The following STX12 variants were observed in gnomAD, a reference collection of about 807,000 sequenced individuals.
The protein encoded by STX12 is syntaxin 12.
A neutral mutation model predicts 42.2 loss-of-function variants in STX12; 17 were observed. That is an observed-to-expected ratio of 0.40 (90% confidence interval 0.28 to 0.60). STX12 has a LOEUF of 0.60. Ranked by LOEUF, STX12 falls within the 20% of genes least tolerant of loss-of-function variation. STX12 has a pLI of 0.39. For synonymous variants in STX12, 108 were observed against 116.7 expected (o/e 0.93, Z 0.48); for missense variants, 297 against 330.9 (o/e 0.90, Z 0.79).
chr1:27,781,961 T>C (rs914605076), intron 1 of STX12, among the ~76,000 whole-genome samples: 1 of 152,168 alleles, frequency 6.6e-6, no homozygotes, highest in South Asian at 2.1e-4. Flanking sequence ...CATTTCATCC[T>C]CACAACAACC....
At chr1:27,794,798 T>A (rs925142687) in intron 3 of STX12, among the ~76,000 whole-genome samples, 12 of 152,116 alleles carry the variant, frequency 7.9e-5, no homozygotes, top group African/African-American at 2.9e-4. Context: ...CATAGCTCAC[T>A]GCAACCTTGA....
At chr1:27,806,066 A>T (rs1307738921) in intron 4 of STX12, among the ~76,000 whole-genome samples, 1 of 152,162 alleles carries the variant, frequency 6.6e-6, no homozygotes, top group Non-Finnish European at 1.5e-5. Flanking sequence ...CCAAATGTCG[A>T]TACATTTCAT....
chr1:27,820,014 G>A (rs1370976523), intron 8 of STX12: 4 of 250,024 alleles, frequency 1.6e-5, no homozygotes, highest in Non-Finnish European at 3.2e-5. Flanking sequence ...TTTATATCCC[G>A]AACAGCTGAA....
intron 2 of STX12, among the ~76,000 whole-genome samples, chr1:27,790,759 TGATGAA>T (rs2088734655): frequency 1.3e-5 from 2 of 151,384 alleles, no homozygotes; most frequent in African/African-American, 4.9e-5. Flanking sequence ...CTGGCCAACA[TGATGAA>T]ACCCTGTCTC....
intron 1 of STX12, among the ~76,000 whole-genome samples, chr1:27,786,448 A>G (rs2088699611): frequency 6.6e-6 from 1 of 152,128 alleles, no homozygotes; most frequent in Admixed American, 6.5e-5. Flanking sequence ...TCTTAACTGA[A>G]TTTATTTCTT....
intron 2 of STX12, among the ~76,000 whole-genome samples, chr1:27,790,092 G>A (rs2088728958): frequency 6.6e-6 from 1 of 152,162 alleles, no homozygotes; most frequent in Admixed American, 6.5e-5. Flanking sequence ...GGTCTCTACT[G>A]AAGATGTACA....
intron 6 of STX12, among the ~76,000 whole-genome samples, chr1:27,816,278 C>T (rs920244776): frequency 2.6e-5 from 4 of 151,744 alleles, no homozygotes; most frequent in African/African-American, 7.3e-5. Flanking sequence ...TGCACCATTG[C>T]ACTCCAGCCT....
At chr1:27,777,297 G>T (rs1166918472) in intron 1 of STX12, among the ~76,000 whole-genome samples, 1 of 147,436 alleles carries the variant, frequency 6.8e-6, no homozygotes, top group Non-Finnish European at 1.5e-5. Flanking sequence ...CAAGAGCTGT[G>T]TGAGTAGCTG....
At chr1:27,775,204 G>A (rs565819429) in intron 1 of STX12, among the ~76,000 whole-genome samples, 1 of 152,208 alleles carries the variant, frequency 6.6e-6, no homozygotes, top group African/African-American at 2.4e-5. Flanking sequence ...CCATCTTCGT[G>A]TGTATTTTAT....
Position 27,822,217 on chromosome 1 carries a change from A to G in STX12, c.733-14A>G. 1 of 1,532,358 alleles carries G rather than the reference A, an allele frequency of 6.5e-7. No individual in the cohort carries two copies. The highest frequency in any genetic ancestry group is 2.2e-5 in the East Asian group (1 of 44,484). 94.9% of individuals were successfully genotyped at this position (1,532,358 alleles called of 1,614,324 possible). On this transcript the variant is annotated splice_polypyrimidine_tract_variant and intron_variant, in intron 8 of 8. Coordinates refer to ENST00000373943, the MANE Select transcript of STX12 (RefSeq NM_177424.3). Reference sequence around the variant, plus strand: ...TGTTTCATGAGTATCTTGTTTACATATTTCTTTCCTCAGAAAAAATCTCGC... The same window carrying G: ...TGTTTCATGAGTATCTTGTTTACATGTTTCTTTCCTCAGAAAAAATCTCGC...
chr1:27,782,405 C>T (rs907357528), intron 1 of STX12, among the ~76,000 whole-genome samples: 7 of 152,118 alleles, frequency 4.6e-5, no homozygotes, highest in South Asian at 2.1e-4. Flanking sequence ...GCCATATAGG[C>T]GGTCTTAATT....
chr1:27,779,608 A>G (rs1443091614), intron 1 of STX12, among the ~76,000 whole-genome samples: 1 of 152,088 alleles, frequency 6.6e-6, no homozygotes, highest in Admixed American at 6.6e-5. Context: ...CTGGGATTAC[A>G]GGCATGAGCC....
intron 2 of STX12, among the ~76,000 whole-genome samples, chr1:27,792,864 T>C (rs2088758538): frequency 6.6e-6 from 1 of 152,250 alleles, no homozygotes; most frequent in Non-Finnish European, 1.5e-5. Context: ...TCTACTACTT[T>C]AAGTTCCACT....
intron 3 of STX12, among the ~76,000 whole-genome samples, chr1:27,801,237 A>G (rs1249469528): frequency 1.3e-5 from 2 of 152,072 alleles, no homozygotes; most frequent in African/African-American, 4.8e-5. Context: ...CATCTGTACT[A>G]AAAATACAAT....
chr1:27,814,281 C>T (rs1234691221), intron 6 of STX12, among the ~76,000 whole-genome samples: 2 of 152,120 alleles, frequency 1.3e-5, no homozygotes, highest in African/African-American at 4.8e-5. Flanking sequence ...CCTGTAATCC[C>T]GGCAAGTTGG....
intron 4 of STX12, among the ~76,000 whole-genome samples, chr1:27,807,088 G>A (rs2088867076): frequency 6.6e-6 from 1 of 151,930 alleles, no homozygotes; most frequent in African/African-American, 2.4e-5. Flanking sequence ...GCACATGGTA[G>A]GTGTATATAT....
At chr1:27,785,805 C>T (rs2088695238) in intron 1 of STX12, among the ~76,000 whole-genome samples, 1 of 152,134 alleles carries the variant, frequency 6.6e-6, no homozygotes. Flanking sequence ...TATGTATCAC[C>T]TGGGTGCCTG....
intron 1 of STX12, among the ~76,000 whole-genome samples, chr1:27,789,039 T>C (rs1034374253): frequency 1.3e-5 from 2 of 151,912 alleles, no homozygotes; most frequent in African/African-American, 4.8e-5. Context: ...AATAAAAAAG[T>C]ACATCTACTG....
chr1:27,797,144 C>A (rs533121814), intron 3 of STX12, among the ~76,000 whole-genome samples: 1 of 151,092 alleles, frequency 6.6e-6, no homozygotes, highest in East Asian at 2.0e-4. Flanking sequence ...TCACTGCAAC[C>A]TTTGTCTCCC....
Sources: allele counts gnomAD v4.1 joint callset (sites outside exome capture counted in the v4.1 genomes callset), GRCh38; gene constraint gnomAD v4.1.1; transcripts MANE v1.5; gene names NCBI Gene and HGNC (gene_info 2026-07-23, HGNC 2026-07-21).